Variants in NFASC observed in about 807,000 individuals in gnomAD.
NFASC encodes the protein neurofascin homolog.
Under a neutral mutation model 147.5 loss-of-function variants are expected in NFASC, and 43 were observed. The ratio of observed to expected loss-of-function variants is 0.29; its 90% CI spans 0.23 to 0.38. NFASC has a LOEUF of 0.38. Among genes scored for constraint, NFASC ranks in the 10% least tolerant of loss-of-function variants. NFASC has a pLI of 1.00. For missense variants in NFASC, 1,320 were observed against 1,689.0 expected, an observed-to-expected ratio of 0.78 and a Z score of 3.83; for synonymous variants, 622 against 665.5, an observed-to-expected ratio of 0.93 and a Z score of 1.01.
chr1:204,850,039 C>A (rs1353466741), intron 1 of NFASC, among the ~76,000 whole-genome samples: 1 of 152,156 alleles, frequency 6.6e-6, no homozygotes, highest in Non-Finnish European at 1.5e-5. Context: ...GGCTCTGGAA[C>A]CTTCTCCCGA....
At chr1:205,013,221 G>T (rs2096284494) in intron 29 of NFASC, among the ~76,000 whole-genome samples, 4 of 152,186 alleles carry the variant, frequency 2.6e-5, no homozygotes, top group Admixed American at 6.5e-5. Context: ...ATGAGCCCCA[G>T]GACCCTCTTG....
At chr1:204,864,865 A>T (rs2076988139) in intron 1 of NFASC, among the ~76,000 whole-genome samples, 1 of 152,204 alleles carries the variant, frequency 6.6e-6, no homozygotes, top group Non-Finnish European at 1.5e-5. Context: ...TGGGATTTGC[A>T]TCTGTTTTCT....
chr1:204,892,801 G>A (rs1289963599), intron 1 of NFASC, among the ~76,000 whole-genome samples: 4 of 152,086 alleles, frequency 2.6e-5, no homozygotes, highest in South Asian at 2.1e-4. Flanking sequence ...TACAGAATTC[G>A]GAAAAATCCC....
intron 1 of NFASC, among the ~76,000 whole-genome samples, chr1:204,854,448 G>C (rs1018937167): frequency 2.6e-5 from 4 of 152,154 alleles, no homozygotes; most frequent in African/African-American, 9.7e-5. Context: ...AAAGCATATG[G>C]ATTCCCAGCA....
At chr1:204,982,994 G>A (rs888398541) in intron 21 of NFASC, among the ~76,000 whole-genome samples, 3 of 152,226 alleles carry the variant, frequency 2.0e-5, no homozygotes, top group African/African-American at 4.8e-5. Context: ...GATGAGCAGA[G>A]AGGGTCAGCA....
At chr1:204,874,327 A>G (rs2078314071) in intron 1 of NFASC, among the ~76,000 whole-genome samples, 1 of 152,186 alleles carries the variant, frequency 6.6e-6, no homozygotes, top group African/African-American at 2.4e-5. Flanking sequence ...CCACATGCTA[A>G]ATTCCAGTTC....
intron 2 of NFASC, among the ~76,000 whole-genome samples, chr1:204,937,992 C>T (rs533675629): frequency 6.6e-6 from 1 of 152,336 alleles, no homozygotes; most frequent in Admixed American, 6.5e-5. Context: ...CTCCAGGAGA[C>T]GAAGAGCTGC....
intron 8 of NFASC, among the ~76,000 whole-genome samples, chr1:204,964,753 A>G (rs1406548091): frequency 6.6e-6 from 1 of 152,214 alleles, no homozygotes; most frequent in East Asian, 1.9e-4. Flanking sequence ...AGTGGTCTGG[A>G]TGAGGGATAC....
chr1:204,905,532 CT>C (rs2085651291), intron 1 of NFASC, among the ~76,000 whole-genome samples: 1 of 152,016 alleles, frequency 6.6e-6, no homozygotes, highest in Non-Finnish European at 1.5e-5. Flanking sequence ...AAGTCCTTCG[CT>C]TTTTTTGTTT....
intron 24 of NFASC, among the ~76,000 whole-genome samples, chr1:204,991,557 TCA>T (rs899396462): frequency 7.2e-5 from 11 of 151,954 alleles, no homozygotes; most frequent in African/African-American, 2.7e-4. Flanking sequence ...TCAGCAGGGG[TCA>T]CACACACACC....
At chr1:204,912,286 A>AG (rs1313428424) in intron 1 of NFASC, among the ~76,000 whole-genome samples, 4 of 151,902 alleles carry the variant, frequency 2.6e-5, no homozygotes, top group Non-Finnish European at 5.9e-5. Context: ...ACTTCCCCTT[A>AG]GCAGTGCTTT....
At chr1:204,927,373 G>C (rs543994197) in intron 2 of NFASC, among the ~76,000 whole-genome samples, 6 of 152,264 alleles carry the variant, frequency 3.9e-5, no homozygotes, top group East Asian at 1.9e-4. Flanking sequence ...AAGATGTTTT[G>C]AGAGTTCCCC....
Position 204,954,956 on chromosome 1 carries a change from G to A in NFASC, c.535+5G>A. The A allele has an allele frequency of 1.2e-6, 2 of 1,613,618 alleles. No homozygotes were observed. Among genetic ancestry groups the A allele is most frequent in the Non-Finnish European group, 8.5e-7 (1 of 1,179,774 alleles). On this transcript the variant is annotated splice_donor_5th_base_variant and intron_variant, in intron 7 of 29. Transcript: ENST00000339876. This position sits in a 1 kb window ranked among gnomAD's most constrained non-coding sequence, Gnocchi z 5.7. The stretch of plus-strand genomic sequence containing the variant: ...TCATCTTCTGGATGAGCAGCTGTGA[G>A]TCTTGGGGGCCTGGTGTTGTGTTTA...
At chr1:204,857,999 G>C (rs1029652011) in intron 1 of NFASC, among the ~76,000 whole-genome samples, 1 of 143,980 alleles carries the variant, frequency 6.9e-6, no homozygotes. Context: ...AGCTTACTAC[G>C]GCCTCCACCT....
At chr1:204,846,566 T>C (rs896393985) in intron 1 of NFASC, among the ~76,000 whole-genome samples, 1 of 152,082 alleles carries the variant, frequency 6.6e-6, no homozygotes, top group Non-Finnish European at 1.5e-5. Flanking sequence ...TCAGCTGATA[T>C]CTAGCCTGAG....
In NFASC at chr1:204,828,722, T is replaced by A. The variant is rs1671313148; in HGVS notation, c.-260T>A. 1.0e-6 allele frequency: 1 copy of A among 985,380 alleles called. No homozygotes were observed. The highest frequency in any genetic ancestry group is 4.7e-5 in the South Asian group (1 of 21,274). The allele number at this position is 985,380 out of a possible 1,614,324, so 61.0% of individuals were successfully genotyped here. ...GGCGCTGCAGGGGACGCGGGGGAAG[T>A]GGCGGCGCCGGCAGCGGACAGCTCG... is the stretch of plus-strand genomic sequence containing the variant. On this transcript the variant is annotated 5_prime_UTR_variant, in exon 1 of 30. Transcript: ENST00000339876.
chr1:204,856,957 G>A lies in NFASC; in HGVS notation c.-200+28175G>A, dbSNP rs547301795. 5.9e-5 allele frequency among the ~76,000 whole-genome samples: 9 copies of A among 152,270 alleles called. No individual in the cohort carries two copies. In the South Asian group the frequency reaches 1.7e-3, roughly 28 times the overall value. On this transcript the variant is annotated intron_variant, in intron 1 of 29. Transcript: ENST00000339876. ...ATTTTTGGACTGTTTCCACCTTTCT[G>A]CTATTATGCATAGTGCTGCTATGAA...
At chr1:204,859,681 T>C (rs1303832557) in intron 1 of NFASC, among the ~76,000 whole-genome samples, 1 of 152,232 alleles carries the variant, frequency 6.6e-6, no homozygotes, top group African/African-American at 2.4e-5. Context: ...ATATTTAAAG[T>C]TGTTTTTTAT....
chr1:204,919,763 G>A (rs1273767805), intron 1 of NFASC, among the ~76,000 whole-genome samples: 1 of 152,006 alleles, frequency 6.6e-6, no homozygotes, highest in African/African-American at 2.4e-5. Context: ...CGACTAGCTG[G>A]GACTACAGGT....
Sources: allele counts gnomAD v4.1 joint callset (sites outside exome capture counted in the v4.1 genomes callset), GRCh38; gene constraint gnomAD v4.1.1; non-coding constraint Gnocchi (gnomAD v3.1); transcripts MANE v1.5; gene names NCBI Gene and HGNC (gene_info 2026-07-23, HGNC 2026-07-21).